The following HSD17B2 variants were observed in gnomAD, a reference collection of about 807,000 sequenced individuals.
HSD17B2 encodes the protein 17-beta-hydroxysteroid dehydrogenase type 2.
HSD17B2 carries 32 observed loss-of-function variants against 26.9 expected under a neutral mutation model. The ratio of observed to expected loss-of-function variants is 1.19; its 90% CI spans 0.90 to 1.60. The LOEUF (loss-of-function observed/expected upper bound fraction) is 1.60, where lower values mean the gene tolerates loss of function less well. Ranked by LOEUF, HSD17B2 falls within the 40% of genes most tolerant of loss-of-function variation. The pLI is 0.00. For synonymous variants in HSD17B2, 246 were observed against 186.7 expected (o/e 1.32, Z -2.59); for missense variants, 613 against 468.6 (o/e 1.31, Z -2.85).
At chr16:82,057,914 C>A (rs2143954342) in intron 1 of HSD17B2, among the ~76,000 whole-genome samples, 1 of 152,168 alleles carries the variant, frequency 6.6e-6, no homozygotes, top group South Asian at 2.1e-4. Flanking sequence ...AACACAATGT[C>A]CTGAACAGGA....
chr16:82,052,772 G>T (rs1174252439), intron 1 of HSD17B2, among the ~76,000 whole-genome samples: 11 of 152,202 alleles, frequency 7.2e-5, no homozygotes, highest in Admixed American at 7.2e-4. Flanking sequence ...GAGACAGGTA[G>T]TTCACTTTAT....
chr16:82,050,356 G>A (rs550478112), intron 1 of HSD17B2, among the ~76,000 whole-genome samples: 6 of 151,464 alleles, frequency 4.0e-5, no homozygotes, highest in Non-Finnish European at 5.9e-5. Context: ...TATACAATTC[G>A]TTCTCGGTGC....
rs1458965877 is a variant in HSD17B2 at position 82,071,095 on chromosome 16, A to C, written c.632A>C (p.Lys211Thr). The change falls in exon 3 of 5, where the codon AAA (lysine) becomes ACA (threonine). Residue 211 changes from lysine to threonine, a missense_variant. Transcript: ENST00000199936. ...KTFLPLLRKS[K>T]GRLVNVSSMG... The stretch of plus-strand genomic sequence containing the variant: ...TTTTTGCCTCTTCTTAGAAAATCCA[A>C]AGGGAGGCTGGTGAATGTCAGCAGC... 1.2e-6 allele frequency: 2 copies of C among 1,614,034 alleles called. No homozygotes were observed. The highest frequency in any genetic ancestry group is 4.5e-5 in the East Asian group (2 of 44,892).
At chr16:82,078,091 A>G (rs1904312258) in intron 3 of HSD17B2, among the ~76,000 whole-genome samples, 1 of 152,198 alleles carries the variant, frequency 6.6e-6, no homozygotes, top group Non-Finnish European at 1.5e-5. Context: ...AAGTGAAGAG[A>G]CAACCCACAG....
At chr16:82,059,365 G>A (rs570477627) in intron 1 of HSD17B2, among the ~76,000 whole-genome samples, 2 of 152,246 alleles carry the variant, frequency 1.3e-5, no homozygotes, top group African/African-American at 4.8e-5. Flanking sequence ...ATTCCCCAGG[G>A]GACAAAATTG....
intron 1 of HSD17B2, among the ~76,000 whole-genome samples, chr16:82,047,471 G>A (rs1448595965): frequency 6.6e-6 from 1 of 152,232 alleles, no homozygotes; most frequent in Admixed American, 6.5e-5. Context: ...GTGGCAAATA[G>A]TATGCGTTCA....
chr16:82,061,924 G>A (rs940933068), intron 1 of HSD17B2, among the ~76,000 whole-genome samples: 1 of 152,192 alleles, frequency 6.6e-6, no homozygotes, highest in Non-Finnish European at 1.5e-5. Flanking sequence ...ATGCATCCCA[G>A]CACTCAGTCC....
At chr16:82,050,947 T>G (rs8062467) in intron 1 of HSD17B2, among the ~76,000 whole-genome samples, 2,279 of 152,286 alleles carry the variant, frequency 0.015, 71 homozygotes, top group African/African-American at 0.053. Flanking sequence ...TGCTCCCCAG[T>G]TGTGATAAGA....
chr16:82,069,790 C>A (rs1914655967), intron 2 of HSD17B2, among the ~76,000 whole-genome samples: 1 of 152,124 alleles, frequency 6.6e-6, no homozygotes, highest in African/African-American at 2.4e-5. Flanking sequence ...AAACATGGGG[C>A]CCCTAGCTTG....
At chr16:82,049,075 T>G (rs1352325728) in intron 1 of HSD17B2, among the ~76,000 whole-genome samples, 1 of 152,200 alleles carries the variant, frequency 6.6e-6, no homozygotes, top group Non-Finnish European at 1.5e-5. Context: ...TCTCTCCTGT[T>G]TATGACCCTT....
chr16:82,047,858 T>A (rs1306987856), intron 1 of HSD17B2, among the ~76,000 whole-genome samples: 2 of 152,196 alleles, frequency 1.3e-5, no homozygotes, highest in African/African-American at 4.8e-5. Context: ...AAAAACATGG[T>A]GTCCACAACA....
At chr16:82,078,571 G>A (rs1904316134) in intron 3 of HSD17B2, among the ~76,000 whole-genome samples, 1 of 152,204 alleles carries the variant, frequency 6.6e-6, no homozygotes, top group Non-Finnish European at 1.5e-5. Context: ...GCAGTCCTAT[G>A]TGTGTTGCAG....
At position 82,098,216 on chromosome 16, in the gene HSD17B2, G is replaced by T; in HGVS notation, c.944G>T (p.Ser315Ile). Residue 315 changes from serine to isoleucine, a missense_variant, in exon 5 of 5, where the codon AGC becomes ATC. Ser to Ile is a moderately radical substitution (Grantham distance 142). Coordinates refer to ENST00000199936, the MANE Select transcript of HSD17B2 (RefSeq NM_002153.3). The stretch of plus-strand genomic sequence containing the variant: ...CTCCTATTGATCAACTCGTTAGCCA[G>T]CAAGGACTTCTCTCCGGTGCTGCGG... ...NFLLLINSLA[S>I]KDFSPVLRDI... The T allele has an allele frequency of 1.3e-5, 21 of 1,614,174 alleles. No individual in the cohort carries two copies. Among genetic ancestry groups the T allele is most frequent in the Non-Finnish European group, 1.6e-5 (19 of 1,180,028 alleles).
intron 1 of HSD17B2, among the ~76,000 whole-genome samples, chr16:82,063,840 A>G (rs911490737): frequency 6.6e-5 from 10 of 152,132 alleles, no homozygotes; most frequent in African/African-American, 2.4e-4. Flanking sequence ...GAGACTCTAC[A>G]CCAAAGTTAG....
In HSD17B2 at chr16:82,068,002, T is replaced by A. The variant is rs565191365; in HGVS notation, c.266-168T>A. On this transcript the variant is annotated intron_variant, in intron 1 of 4. Transcript: ENST00000199936. ...TATGGGGAAATGTATCTGTCTGGCTTGGCTTCTCCTCCCACCTCTCCACTT... is the reference window on the plus strand; with the variant it reads ...TATGGGGAAATGTATCTGTCTGGCTAGGCTTCTCCTCCCACCTCTCCACTT... Among the ~76,000 whole-genome samples, 16 of 152,346 alleles carry A rather than the reference T, an allele frequency of 1.1e-4. No individual in the cohort carries two copies. In the South Asian group the frequency reaches 3.3e-3, roughly 32 times the overall value.
chr16:82,098,439 A>C lies in HSD17B2; in HGVS notation c.*3A>C, dbSNP rs1335680479. ...ACTACAAGAAAAAGGCCACCTAGGC[A>C]ATGGAAGCCCTCAAAGAAGTCGGAA... On this transcript the variant is annotated 3_prime_UTR_variant, in exon 5 of 5. Transcript: ENST00000199936. The C allele has an allele frequency of 1.9e-6, 3 of 1,586,828 alleles. No individual in the cohort carries two copies. In the East Asian group the frequency reaches 6.7e-5, roughly 36 times the overall value.
intron 1 of HSD17B2, among the ~76,000 whole-genome samples, chr16:82,053,802 C>G (rs779999867): frequency 1.3e-5 from 2 of 152,194 alleles, no homozygotes; most frequent in Non-Finnish European, 2.9e-5. Context: ...CTGGGGAGCT[C>G]AAACAACACT....
chr16:82,068,139 C>T (rs1914614337), intron 1 of HSD17B2, 31 bp from the exon 2 acceptor site: 2 of 1,587,414 alleles, frequency 1.3e-6, no homozygotes, highest in African/African-American at 1.3e-5. Context: ...TCTGGTTTGA[C>T]CTCACTCCCT....
chr16:82,051,052 T>A (rs1422894227), intron 1 of HSD17B2, among the ~76,000 whole-genome samples: 1 of 152,220 alleles, frequency 6.6e-6, no homozygotes, highest in East Asian at 1.9e-4. Flanking sequence ...TGAACAGGTA[T>A]TCTCTGTTCT....
Sources: allele counts gnomAD v4.1 joint callset (sites outside exome capture counted in the v4.1 genomes callset), GRCh38; gene constraint gnomAD v4.1.1; transcripts MANE v1.5; gene names NCBI Gene and HGNC (gene_info 2026-07-23, HGNC 2026-07-21).